PLPPR5: variants seen among roughly 807,000 people sequenced by gnomAD.
PLPPR5 encodes phospholipid phosphatase related 5.
A neutral mutation model predicts 33.9 loss-of-function variants in PLPPR5; 16 were observed. That is an observed-to-expected ratio of 0.47 (90% confidence interval 0.32 to 0.72). PLPPR5 has a LOEUF of 0.72. Ranked by LOEUF, PLPPR5 falls within the 30% of genes least tolerant of loss-of-function variation. PLPPR5 has a pLI of 0.03. For synonymous variants in PLPPR5, 163 were observed against 150.3 expected, an observed-to-expected ratio of 1.08 and a Z score of -0.62; for missense variants, 301 against 406.7, an observed-to-expected ratio of 0.74 and a Z score of 2.23.
chr1:98,994,382 A>G (rs1652563328), intron 1 of PLPPR5, among the ~76,000 whole-genome samples: 1 of 152,066 alleles, frequency 6.6e-6, no homozygotes, highest in Non-Finnish European at 1.5e-5. Context: ...CAAACACAAA[A>G]CAGGTCATCA....
At chr1:98,896,509 C>T (rs996917702) in intron 5 of PLPPR5, among the ~76,000 whole-genome samples, 12 of 152,172 alleles carry the variant, frequency 7.9e-5, no homozygotes, top group African/African-American at 2.9e-4. Context: ...ATTCCTGGTA[C>T]CTTCTGCAAT....
chr1:98,940,351 A>G (rs1287123366), intron 3 of PLPPR5, among the ~76,000 whole-genome samples: 4 of 151,818 alleles, frequency 2.6e-5, no homozygotes, highest in African/African-American at 9.7e-5. Context: ...TCCCATCATG[A>G]GGGCCTTACC....
At chr1:98,972,865 G>A (rs1651705735) in intron 1 of PLPPR5, among the ~76,000 whole-genome samples, 1 of 152,078 alleles carries the variant, frequency 6.6e-6, no homozygotes, top group South Asian at 2.1e-4. Flanking sequence ...ACTTCTGGTA[G>A]GGATGGATGC....
intron 1 of PLPPR5, among the ~76,000 whole-genome samples, chr1:98,975,514 A>G (rs1402146218): frequency 6.6e-6 from 1 of 152,082 alleles, no homozygotes; most frequent in Non-Finnish European, 1.5e-5. Flanking sequence ...TGCAGTACAA[A>G]TAAAGTTGTC....
At chr1:98,914,566 C>T (rs1182384043) in intron 5 of PLPPR5, among the ~76,000 whole-genome samples, 7 of 152,120 alleles carry the variant, frequency 4.6e-5, no homozygotes, top group Admixed American at 4.6e-4. Context: ...GGATTGATTA[C>T]AGGCCAGGTG....
chr1:98,955,590 G>A (rs913586645), intron 2 of PLPPR5, among the ~76,000 whole-genome samples: 8 of 151,998 alleles, frequency 5.3e-5, no homozygotes, highest in Admixed American at 3.9e-4. Context: ...AACAATCTTG[G>A]ATATGAAGGC....
chr1:98,891,442 T>C lies in PLPPR5; in HGVS notation c.*1630A>G, dbSNP rs1468925969. 1 of 152,134 alleles carries C rather than the reference T, an allele frequency of 6.6e-6. No individual in the cohort carries two copies. Among genetic ancestry groups the C allele is most frequent in the African/African-American group, 2.4e-5 (1 of 41,432 alleles). The allele number at this position is 152,134 out of a possible 1,614,324, so 9.4% of individuals were successfully genotyped here. A position where few individuals can be genotyped will look rare whatever the true frequency, so the allele number is the denominator to read the frequency against. The stretch of plus-strand genomic sequence containing the variant: ...TTACTGCCAAAGTTACTTTGCCATA[T>C]AAGCCAAAGTTACTTAGGGTAGTTT... On this transcript the variant is annotated 3_prime_UTR_variant, in exon 6 of 6. Transcript: ENST00000263177.
chr1:98,893,874 T>TC (rs2101128772), intron 5 of PLPPR5, among the ~76,000 whole-genome samples: 1 of 152,100 alleles, frequency 6.6e-6, no homozygotes, highest in South Asian at 2.1e-4. Context: ...CCATTTTAAA[T>TC]GTGTTTTGTA....
At chr1:98,987,061 T>C (rs895276491) in intron 1 of PLPPR5, among the ~76,000 whole-genome samples, 1 of 151,876 alleles carries the variant, frequency 6.6e-6, no homozygotes, top group Non-Finnish European at 1.5e-5. Context: ...ATTATCACTC[T>C]GGATAAATAA....
chr1:98,928,548 C>CATATATATATATATATATAT (rs60624111), intron 3 of PLPPR5, among the ~76,000 whole-genome samples: 1,762 of 73,438 alleles, frequency 0.024, 203 homozygotes, highest in East Asian at 0.054. Flanking sequence ...AGTTTTAAAT[C>CATATATATATATATATATAT]ATATATATAT....
At chr1:98,975,462 G>A (rs1651814491) in intron 1 of PLPPR5, among the ~76,000 whole-genome samples, 3 of 152,070 alleles carry the variant, frequency 2.0e-5, no homozygotes, top group Admixed American at 2.0e-4. Context: ...GCATACAGAT[G>A]AAGCCTTTTG....
At chr1:98,928,610 G>C (rs1240587596) in intron 3 of PLPPR5, among the ~76,000 whole-genome samples, 2 of 114,974 alleles carry the variant, frequency 1.7e-5, no homozygotes, top group Non-Finnish European at 3.6e-5. Flanking sequence ...TGCTGACCTA[G>C]ACAAGAGCAT....
intron 1 of PLPPR5, among the ~76,000 whole-genome samples, chr1:98,968,390 A>C (rs564473377): frequency 3.9e-5 from 6 of 152,038 alleles, no homozygotes; most frequent in Non-Finnish European, 5.9e-5. Context: ...ACCCATTAGA[A>C]TCATTTTCCC....
chr1:98,933,796 G>C (rs1650073173), intron 3 of PLPPR5, among the ~76,000 whole-genome samples: 1 of 152,188 alleles, frequency 6.6e-6, no homozygotes, highest in East Asian at 1.9e-4. Context: ...TGTCTCTGAT[G>C]CATGTAGTGA....
intron 5 of PLPPR5, among the ~76,000 whole-genome samples, chr1:98,898,031 T>A (rs1648546258): frequency 6.6e-6 from 1 of 152,156 alleles, no homozygotes. Flanking sequence ...ACTATTTGAA[T>A]ATAAAATACA....
In PLPPR5 at chr1:98,890,440, C is replaced by G. The variant is rs1648233025; in HGVS notation, c.*2632G>C. The stretch of plus-strand genomic sequence containing the variant: ...TACAAAGTCTGTCAAAGAAGATTCA[C>G]CTCTCTTTTAACATAAAAGAGCCTT... On this transcript the variant is annotated 3_prime_UTR_variant, in exon 6 of 6. Coordinates refer to ENST00000263177, the MANE Select transcript of PLPPR5 (RefSeq NM_001037317.2). The G allele has an allele frequency of 6.6e-6, 1 of 152,430 alleles. No homozygotes were observed. Among genetic ancestry groups the G allele is most frequent in the Non-Finnish European group, 1.5e-5 (1 of 67,990 alleles). 9.4% of individuals were successfully genotyped at this position (152,430 alleles called of 1,614,324 possible). A position where few individuals can be genotyped will look rare whatever the true frequency, so the allele number is the denominator to read the frequency against.
chr1:98,924,002 G>T (rs1294424626), intron 3 of PLPPR5, among the ~76,000 whole-genome samples: 1 of 152,072 alleles, frequency 6.6e-6, no homozygotes, highest in Non-Finnish European at 1.5e-5. Flanking sequence ...CAGCTATAAG[G>T]CTGGTTAATT....
intron 1 of PLPPR5, among the ~76,000 whole-genome samples, chr1:98,957,357 AAAG>A (rs953279950): frequency 2.0e-5 from 3 of 151,380 alleles, no homozygotes; most frequent in African/African-American, 4.8e-5. Flanking sequence ...AAATAAATAA[AAAG>A]AAAAATTATG....
At chr1:98,954,431 T>C (rs1650925848) in intron 2 of PLPPR5, among the ~76,000 whole-genome samples, 1 of 152,152 alleles carries the variant, frequency 6.6e-6, no homozygotes, top group Non-Finnish European at 1.5e-5. Flanking sequence ...AGTCATATAT[T>C]TCTGGATTAT....
Sources: gnomAD v4.1 joint callset for allele counts (sites outside exome capture counted in the v4.1 genomes callset) on GRCh38, gnomAD v4.1.1 for gene constraint, MANE v1.5 for transcripts, NCBI Gene and HGNC (gene_info 2026-07-23, HGNC 2026-07-21) for gene names.